Variants in COL15A1 observed in about 807,000 individuals in gnomAD.
The protein encoded by COL15A1 is collagen alpha-1(XV) chain.
COL15A1 carries 111 observed loss-of-function variants against 165.9 expected under a neutral mutation model. That is an observed-to-expected ratio of 0.67 (90% confidence interval 0.57 to 0.78). The LOEUF (loss-of-function observed/expected upper bound fraction) is 0.78. Among genes scored for constraint, COL15A1 ranks in the 30% least tolerant of loss-of-function variants. COL15A1 has a pLI of 0.00. For synonymous variants in COL15A1, 659 were observed against 674.8 expected (o/e 0.98, Z 0.36); for missense variants, 1,745 against 1,789.7 (o/e 0.98, Z 0.45).
At chr9:98,998,062 C>A (rs1050795548) in intron 6 of COL15A1, among the ~76,000 whole-genome samples, 1 of 152,102 alleles carries the variant, frequency 6.6e-6, no homozygotes, top group Non-Finnish European at 1.5e-5. Context: ...AAGCAAATTC[C>A]AAAATTATGT....
intron 2 of COL15A1, among the ~76,000 whole-genome samples, chr9:98,971,575 T>C (rs889372268): frequency 6.6e-6 from 1 of 151,570 alleles, no homozygotes; most frequent in African/African-American, 2.4e-5. Context: ...GTCCCTGGGG[T>C]GGCTTTGTGC....
At chr9:99,011,037 C>G (rs1838840466) in intron 9 of COL15A1, among the ~76,000 whole-genome samples, 1 of 152,142 alleles carries the variant, frequency 6.6e-6, no homozygotes. Context: ...AAAAATCTTA[C>G]AGGAGCTGAA....
rs142499681 is a variant in COL15A1 at position 99,016,541 on chromosome 9, C to T, written c.1647+422C>T. On this transcript the variant is annotated intron_variant, in intron 11 of 41. Transcript: ENST00000375001. ...TACAACTGTGTGACCTTAAGCAAAT[C>T]CGTTGATTTCTTTGGCCCTCCGTTT... 3.7e-3 allele frequency among the ~76,000 whole-genome samples: 570 copies of T among 152,294 alleles called. 2 individuals are homozygous for T. Among genetic ancestry groups the T allele is most frequent in the African/African-American group, 0.012 (518 of 41,558 alleles).
At chr9:99,017,404 A>T (rs1838955055) in intron 11 of COL15A1, among the ~76,000 whole-genome samples, 1 of 152,186 alleles carries the variant, frequency 6.6e-6, no homozygotes. Context: ...TGTGGTGGGA[A>T]GATCCTGGAC....
intron 9 of COL15A1, among the ~76,000 whole-genome samples, chr9:99,012,213 C>T (rs544098731): frequency 2.8e-4 from 43 of 152,310 alleles, no homozygotes; most frequent in Non-Finnish European, 6.0e-4. Flanking sequence ...ACTTGAAAAG[C>T]ATTTGGGTTT....
At chr9:99,043,886 G>A (rs1839451895) in intron 24 of COL15A1, among the ~76,000 whole-genome samples, 2 of 152,162 alleles carry the variant, frequency 1.3e-5, no homozygotes, top group Admixed American at 6.5e-5. Context: ...GGACAGGATT[G>A]GGGTCAGGAT....
Position 99,025,971 on chromosome 9 carries a change from G to C in COL15A1, c.2043+5G>C. The C allele has an allele frequency of 6.2e-7, 1 of 1,607,950 alleles. No homozygotes were observed. Among genetic ancestry groups the C allele is most frequent in the South Asian group, 1.1e-5 (1 of 89,630 alleles). On this transcript the variant is annotated splice_donor_5th_base_variant and intron_variant, in intron 16 of 41. Transcript: ENST00000375001. ...CCCGGGATGAAAGGGGAGAAGGTACGGGGAACACGGGAGGGTCCCACCACA... is the reference window on the plus strand; with the variant it reads ...CCCGGGATGAAAGGGGAGAAGGTACCGGGAACACGGGAGGGTCCCACCACA...
chr9:99,000,708 GT>G (rs1838635472), intron 6 of COL15A1, 130 bp from the exon 7 acceptor site: 12 of 645,364 alleles, frequency 1.9e-5, no homozygotes, highest in East Asian at 5.8e-5. Context: ...TCTGCAACTT[GT>G]TTTTTCCCCC....
chr9:98,986,058 C>T lies in COL15A1; in HGVS notation c.594C>T (p.Ser198=), dbSNP rs1313030264. Residue 198 remains serine (S), a synonymous_variant, in exon 3 of 42, where the codon TCC becomes TCT. Coordinates refer to ENST00000375001, the MANE Select transcript of COL15A1 (RefSeq NM_001855.5). ...CCTCCCAGGCTTTGGCTTTTGAGTC[C>T]AGCGCTGGAATCTTCATGGGCAATG... The part of the protein sequence containing the change: ...QRSSQALAFE[S]SAGIFMGNAG... 5.0e-6 allele frequency: 8 copies of T among 1,614,000 alleles called. No individual in the cohort carries two copies. Among genetic ancestry groups the T allele is most frequent in the Non-Finnish European group, 6.8e-6 (8 of 1,180,016 alleles).
chr9:99,028,596 A>G (rs4743311), intron 16 of COL15A1, among the ~76,000 whole-genome samples: 54,378 of 151,908 alleles, frequency 0.36, 10,915 homozygotes, highest in East Asian at 0.68. Flanking sequence ...GTTGCAGTGA[A>G]CCGAGATCGC....
In COL15A1 at chr9:99,055,265, G is replaced by T. The variant is rs1349213200; in HGVS notation, c.3085G>T (p.Glu1029Ter). ...LRHFLNNLKG[E>*]NGDKGFKGEK... ...TTCCTGTGTTCTCTGCTTCCAGGGG[G>T]AGAATGGAGACAAGGGGTTCAAAGG... The change falls in exon 34 of 42, where the codon GAG becomes TAG. Residue 1029 changes from glutamate to a stop codon, truncating the protein, a stop_gained. Transcript: ENST00000375001. LOFTEE classifies it high-confidence loss of function. 2 of 1,609,250 alleles carry T rather than the reference G, an allele frequency of 1.2e-6. No homozygotes were observed. The highest frequency in any genetic ancestry group is 1.7e-6 in the Non-Finnish European group (2 of 1,175,744).
At chr9:99,061,706 A>G (rs1407636936) in intron 36 of COL15A1, among the ~76,000 whole-genome samples, 2 of 152,274 alleles carry the variant, frequency 1.3e-5, no homozygotes, top group Non-Finnish European at 2.9e-5. Flanking sequence ...AAATGTCTTT[A>G]TACTCACATA....
At chr9:98,986,383 C>T in intron 3 of COL15A1, 1 of 397,824 alleles carries the variant, frequency 2.5e-6, no homozygotes, top group South Asian at 3.6e-5. Flanking sequence ...GAAAACCTAC[C>T]CCACAGTCTT....
intron 2 of COL15A1, among the ~76,000 whole-genome samples, chr9:98,972,129 G>T (rs903992016): frequency 1.3e-5 from 2 of 152,150 alleles, no homozygotes; most frequent in East Asian, 1.9e-4. Context: ...TGTGAGCCAG[G>T]TCCTAGTGCT....
At chr9:98,994,150 T>C (rs1360141764) in intron 5 of COL15A1, among the ~76,000 whole-genome samples, 1 of 147,420 alleles carries the variant, frequency 6.8e-6, no homozygotes, top group Non-Finnish European at 1.5e-5. Context: ...GGAGGCACTG[T>C]GTTGGGGGGA....
chr9:98,985,973 G>A lies in COL15A1; in HGVS notation c.509G>A (p.Gly170Asp). The A allele has an allele frequency of 6.2e-7, 1 of 1,614,102 alleles. No individual in the cohort carries two copies. The highest frequency in any genetic ancestry group is 8.5e-7 in the Non-Finnish European group (1 of 1,180,004). The change falls in exon 3 of 42, where the codon GGT (glycine) becomes GAT (aspartate). Residue 170 changes from glycine to aspartate, a missense_variant. Transcript: ENST00000375001. ...RWNRFAMIVQ[G>D]EEVTLLVNCE... Reference sequence around the variant, plus strand: ...AACCGCTTCGCCATGATTGTCCAGGGTGAGGAAGTGACCCTCCTCGTGAAC... The same window carrying A: ...AACCGCTTCGCCATGATTGTCCAGGATGAGGAAGTGACCCTCCTCGTGAAC...
intron 2 of COL15A1, among the ~76,000 whole-genome samples, chr9:98,964,348 T>C (rs1168774208): frequency 6.6e-6 from 1 of 152,212 alleles, no homozygotes; most frequent in African/African-American, 2.4e-5. Context: ...TGTACTTTCA[T>C]CTAAATTAAA....
intron 2 of COL15A1, among the ~76,000 whole-genome samples, chr9:98,963,945 A>T (rs900573155): frequency 6.6e-6 from 1 of 152,250 alleles, no homozygotes; most frequent in Non-Finnish European, 1.5e-5. Flanking sequence ...GAATGAATGA[A>T]CAAAATGGAC....
intron 2 of COL15A1, among the ~76,000 whole-genome samples, chr9:98,970,115 A>G (rs1838022283): frequency 6.6e-6 from 1 of 152,104 alleles, no homozygotes. Context: ...CCGCTATGCA[A>G]GTAAAGCACT....
Sources: allele counts gnomAD v4.1 joint callset (sites outside exome capture counted in the v4.1 genomes callset), GRCh38; gene constraint gnomAD v4.1.1; transcripts MANE v1.5; gene names NCBI Gene and HGNC (gene_info 2026-07-23, HGNC 2026-07-21).